The following MTREX variants were observed in gnomAD, a reference collection of about 807,000 sequenced individuals.
MTREX encodes the protein Mtr4 exosome RNA helicase, also known as exosome RNA helicase MTR4.
In MTREX, 76 loss-of-function variants were observed where a neutral mutation model predicts 135.4. The ratio of observed to expected loss-of-function variants is 0.56; its 90% confidence interval spans 0.47 to 0.68. The LOEUF is 0.68. MTREX is among the 30% of genes least tolerant of loss of function. MTREX has a pLI of 0.00. For synonymous variants in MTREX, 404 were observed against 401.6 expected (o/e 1.01, Z -0.07); for missense variants, 920 against 1,262.1 (o/e 0.73, Z 4.11).
chr5:55,369,608 G>A (rs1363765270), intron 16 of MTREX, among the ~76,000 whole-genome samples: 1 of 152,172 alleles, frequency 6.6e-6, no homozygotes, highest in Non-Finnish European at 1.5e-5. Context: ...TGTTCAGTAT[G>A]ACTTAGAGCA....
chr5:55,381,080 T>C (rs946246718), intron 18 of MTREX, among the ~76,000 whole-genome samples: 1 of 152,212 alleles, frequency 6.6e-6, no homozygotes, highest in African/African-American at 2.4e-5. Context: ...CGTAGTATTA[T>C]TTTATAATCC....
chr5:55,378,645 C>T (rs1218861703), intron 17 of MTREX, among the ~76,000 whole-genome samples, 159 bp downstream of exon 17: 3 of 152,150 alleles, frequency 2.0e-5, no homozygotes, highest in African/African-American at 7.2e-5. Flanking sequence ...ATGGCACTAA[C>T]TTAGGGGCTT....
intron 12 of MTREX, among the ~76,000 whole-genome samples, chr5:55,350,629 T>C (rs1749810420): frequency 6.6e-6 from 1 of 152,196 alleles, no homozygotes; most frequent in Non-Finnish European, 1.5e-5. Flanking sequence ...ACTCTGCCCC[T>C]ATAATGTGTA....
intron 3 of MTREX, 130 bp downstream of exon 3, chr5:55,324,328 C>T (rs1356702682): frequency 6.4e-6 from 3 of 465,174 alleles, no homozygotes; most frequent in Admixed American, 6.9e-5. Context: ...CATGGGGTAC[C>T]TAGTGGAAGA....
chr5:55,407,915 G>A, intron 22 of MTREX, among the ~76,000 whole-genome samples: 1 of 151,794 alleles, frequency 6.6e-6, no homozygotes, highest in Non-Finnish European at 1.5e-5. Context: ...CATCAAGCCT[G>A]GCTAATTTCT....
intron 2 of MTREX, 36 bp from the exon 3 acceptor site, chr5:55,324,096 T>C: frequency 6.8e-7 from 1 of 1,477,084 alleles, no homozygotes; most frequent in Non-Finnish European, 9.4e-7. Flanking sequence ...AGAAAAGTAA[T>C]TTGTTTTTGT....
Position 55,379,114 on chromosome 5 carries a change from T to A in MTREX, c.1984-13T>A. 1 of 1,599,838 alleles carries A rather than the reference T, an allele frequency of 6.3e-7. No individual in the cohort carries two copies. The highest frequency in any genetic ancestry group is 8.5e-7 in the Non-Finnish European group (1 of 1,169,950). ...CATTTGATTCTTGCTTACTTGCTTTTCTTTCTTTTTAGGTAAAGAATGAAG... is the reference window on the plus strand; with the variant it reads ...CATTTGATTCTTGCTTACTTGCTTTACTTTCTTTTTAGGTAAAGAATGAAG... On this transcript the variant is annotated splice_polypyrimidine_tract_variant and intron_variant, in intron 17 of 26. Coordinates refer to ENST00000230640, the MANE Select transcript of MTREX (RefSeq NM_015360.5).
At chr5:55,328,655 C>T (rs531576454) in intron 4 of MTREX, 44 bp from the exon 5 acceptor site, 1 of 1,315,918 alleles carries the variant, frequency 7.6e-7, no homozygotes, top group East Asian at 2.3e-5. Flanking sequence ...TGCTCTGATA[C>T]AACTAGATGT....
At chr5:55,342,989 T>A (rs1413498293) in intron 7 of MTREX, among the ~76,000 whole-genome samples, 3 of 152,214 alleles carry the variant, frequency 2.0e-5, no homozygotes, top group Non-Finnish European at 4.4e-5. Flanking sequence ...GCTATAACTT[T>A]CTACAAGTTA....
chr5:55,404,809 TC>T (rs1456319722), intron 21 of MTREX, among the ~76,000 whole-genome samples: 23 of 138,212 alleles, frequency 1.7e-4, no homozygotes, highest in East Asian at 6.2e-4. Context: ...TTTTTTTTTT[TC>T]TTTTTTTTTT....
chr5:55,341,860 A>G (rs2112057779), intron 7 of MTREX, 89 bp downstream of exon 7: 2 of 639,790 alleles, frequency 3.1e-6, no homozygotes, highest in South Asian at 4.7e-5. Context: ...CTTTGCTTCT[A>G]GTTTTTGTGT....
intron 16 of MTREX, among the ~76,000 whole-genome samples, chr5:55,377,764 T>C (rs1323473395): frequency 6.6e-6 from 1 of 152,170 alleles, no homozygotes; most frequent in East Asian, 1.9e-4. Flanking sequence ...TTTGTTATAA[T>C]GTTGGGTCAG....
rs77859208 is a variant in MTREX at position 55,392,312 on chromosome 5, C to T, written c.2181+4210C>T. On this transcript the variant is annotated intron_variant, in intron 19 of 26. Transcript: ENST00000230640. ...TAATCCCAGCACTTTGAGGGGCTGA[C>T]GTGGGTAGATGACTTGAGGTCAGGA... Among the ~76,000 whole-genome samples, 906 of 152,042 alleles carry T rather than the reference C, an allele frequency of 6.0e-3. 4 individuals carry two copies. Among genetic ancestry groups the T allele is most frequent in the Admixed American group, 9.9e-3 (151 of 15,270 alleles).
intron 22 of MTREX, among the ~76,000 whole-genome samples, chr5:55,408,056 A>C (rs980258513): frequency 1.2e-4 from 19 of 152,196 alleles, no homozygotes; most frequent in African/African-American, 7.2e-5. Context: ...TTCACCCAGC[A>C]CCCAGCCCCT....
chr5:55,364,320 C>A (rs893440908), intron 15 of MTREX, among the ~76,000 whole-genome samples: 2 of 152,034 alleles, frequency 1.3e-5, no homozygotes, highest in Admixed American at 6.6e-5. Flanking sequence ...CCATTTTTAC[C>A]CTTTTCTTTA....
chr5:55,315,638 A>C (rs1749186033), intron 1 of MTREX, among the ~76,000 whole-genome samples: 1 of 152,196 alleles, frequency 6.6e-6, no homozygotes, highest in African/African-American at 2.4e-5. Context: ...TAGCTCTCAG[A>C]ATAGAACTAT....
In MTREX at chr5:55,320,453, G is replaced by A. The variant is rs192296203; in HGVS notation, c.135-1874G>A. On this transcript the variant is annotated intron_variant, in intron 1 of 26. Transcript: ENST00000230640. The stretch of plus-strand genomic sequence containing the variant: ...AGGATGGTCTCAATCTCCTGACCTC[G>A]TGATCTGCCCGCCTTGGCCTCCCAA... Among the ~76,000 whole-genome samples, 607 of 152,182 alleles carry A rather than the reference G, an allele frequency of 4.0e-3. 4 individuals carry two copies. The highest frequency in any genetic ancestry group is 0.014 in the African/African-American group (579 of 41,524).
intron 15 of MTREX, among the ~76,000 whole-genome samples, chr5:55,360,541 A>G (rs79590566): frequency 1.3e-5 from 2 of 152,066 alleles, no homozygotes; most frequent in Admixed American, 1.3e-4. Context: ...TGTTTTCTTT[A>G]GTAGTTGCAC....
intron 1 of MTREX, among the ~76,000 whole-genome samples, chr5:55,318,405 G>T (rs1749233359): frequency 6.6e-6 from 1 of 152,186 alleles, no homozygotes; most frequent in African/African-American, 2.4e-5. Context: ...TAAAGAAAAT[G>T]TGGTACGTAT....
Sources: allele counts gnomAD v4.1 joint callset (sites outside exome capture counted in the v4.1 genomes callset), GRCh38; gene constraint gnomAD v4.1.1; transcripts MANE v1.5; gene names NCBI Gene and HGNC (gene_info 2026-07-23, HGNC 2026-07-21).